The following TMEM45A variants were observed in gnomAD, a reference collection of about 807,000 sequenced individuals.
TMEM45A encodes transmembrane protein 45A.
A neutral mutation model predicts 32.0 loss-of-function variants in TMEM45A; 25 were observed. The ratio of observed to expected loss-of-function variants is 0.78; its 90% confidence interval spans 0.57 to 1.09. The LOEUF is 1.09. TMEM45A is among the 50% of genes least tolerant of loss of function. TMEM45A has a pLI of 0.00. For missense variants in TMEM45A, 302 were observed against 325.0 expected (o/e 0.93, Z 0.54); for synonymous variants, 122 against 114.8 (o/e 1.06, Z -0.40).
At chr3:100,530,709 A>G (rs1705629228) in intron 1 of TMEM45A, among the ~76,000 whole-genome samples, 1 of 152,210 alleles carries the variant, frequency 6.6e-6, no homozygotes, top group African/African-American at 2.4e-5. Flanking sequence ...ATTAGGACCC[A>G]TATGAAATTA....
At chr3:100,502,393 C>G (rs531675439) in intron 1 of TMEM45A, among the ~76,000 whole-genome samples, 3 of 152,008 alleles carry the variant, frequency 2.0e-5, no homozygotes, top group Non-Finnish European at 4.4e-5. Flanking sequence ...TAAAAGAAAC[C>G]AAAATTGAGA....
At chr3:100,544,706 T>C (rs1198958617) in intron 1 of TMEM45A, among the ~76,000 whole-genome samples, 2 of 152,216 alleles carry the variant, frequency 1.3e-5, no homozygotes, top group African/African-American at 4.8e-5. Context: ...TGTCCCTTTT[T>C]ATTGTGGAGA....
chr3:100,510,917 T>C (rs927746111), intron 1 of TMEM45A, among the ~76,000 whole-genome samples: 1 of 151,994 alleles, frequency 6.6e-6, no homozygotes, highest in African/African-American at 2.4e-5. Context: ...AAGGGAAGTT[T>C]AGAGAAAAAA....
chr3:100,571,178 C>T (rs1166217899), intron 5 of TMEM45A: 1 of 152,152 alleles, frequency 6.6e-6, no homozygotes, highest in Non-Finnish European at 1.5e-5. Context: ...CCATCTTCCA[C>T]AAATATTTTA....
chr3:100,561,560 C>A (rs1026241934), intron 4 of TMEM45A, among the ~76,000 whole-genome samples: 2 of 151,888 alleles, frequency 1.3e-5, no homozygotes, highest in African/African-American at 4.8e-5. Context: ...ACATCACAGT[C>A]AAAAATGCTT....
In TMEM45A at chr3:100,564,577, G is replaced by A. The variant is rs201013131; in HGVS notation, c.589-4245G>A. On this transcript the variant is annotated intron_variant, in intron 4 of 5. Transcript: ENST00000323523. ...CAGCTCACTGCCACCTCCACCTCCC[G>A]GGTTCAAGCGATTCTCCTGCCTCAG... 3.5e-4 allele frequency among the ~76,000 whole-genome samples: 53 copies of A among 151,608 alleles called. No homozygotes were observed. In the East Asian group the frequency reaches 9.5e-3, roughly 27 times the overall value.
Position 100,558,397 on chromosome 3 carries a change from C to T in TMEM45A, c.404-8C>T, listed in dbSNP as rs934354560. ...ACTGAAAAAGACAATCTGTTTTTTCCCCATCAGCCTTTATCTTCTACAACC... is the reference window on the plus strand; with the variant it reads ...ACTGAAAAAGACAATCTGTTTTTTCTCCATCAGCCTTTATCTTCTACAACC... On this transcript the variant is annotated splice_region_variant and splice_polypyrimidine_tract_variant and intron_variant, in intron 3 of 5. Transcript: ENST00000323523. The T allele has an allele frequency of 3.1e-6, 5 of 1,612,144 alleles. No homozygotes were observed. Among genetic ancestry groups the T allele is most frequent in the African/African-American group, 2.7e-5 (2 of 74,908 alleles).
chr3:100,570,294 T>C (rs1706532118), intron 5 of TMEM45A, among the ~76,000 whole-genome samples: 2 of 152,232 alleles, frequency 1.3e-5, no homozygotes, highest in African/African-American at 2.4e-5. Flanking sequence ...CACCCTTCTC[T>C]TTAGACATGG....
intron 4 of TMEM45A, among the ~76,000 whole-genome samples, chr3:100,562,181 C>A (rs918407967): frequency 2.0e-5 from 3 of 150,886 alleles, no homozygotes; most frequent in African/African-American, 7.4e-5. Flanking sequence ...GAATGGCATA[C>A]AAGTTACAGC....
At chr3:100,518,734 C>G (rs555369572) in intron 1 of TMEM45A, among the ~76,000 whole-genome samples, 1 of 152,034 alleles carries the variant, frequency 6.6e-6, no homozygotes, top group Non-Finnish European at 1.5e-5. Context: ...CTGGAGTGTT[C>G]GTCTATTCCC....
intron 1 of TMEM45A, among the ~76,000 whole-genome samples, chr3:100,516,366 G>A (rs755995888): frequency 3.9e-5 from 6 of 152,152 alleles, no homozygotes; most frequent in Non-Finnish European, 8.8e-5. Context: ...GTTTTGTGGT[G>A]GTAATGAGTA....
intron 1 of TMEM45A, among the ~76,000 whole-genome samples, chr3:100,516,994 GA>G (rs1404496820): frequency 6.6e-6 from 1 of 152,148 alleles, no homozygotes; most frequent in African/African-American, 2.4e-5. Flanking sequence ...ATTTTATGGA[GA>G]ACAGCATCTG....
At chr3:100,493,692 GTATACTCTA>G (rs1384558556) in intron 1 of TMEM45A, among the ~76,000 whole-genome samples, 1 of 151,896 alleles carries the variant, frequency 6.6e-6, no homozygotes, top group Non-Finnish European at 1.5e-5. Context: ...ATGCTATATA[GTATACTCTA>G]TATACGCTAT....
chr3:100,524,433 T>C (rs1439011963), intron 1 of TMEM45A, among the ~76,000 whole-genome samples: 2 of 152,206 alleles, frequency 1.3e-5, no homozygotes. Flanking sequence ...CTTTTTTCTC[T>C]TCCTCTTTTC....
intron 1 of TMEM45A, among the ~76,000 whole-genome samples, chr3:100,511,672 G>A (rs1352084367): frequency 6.7e-6 from 1 of 150,262 alleles, no homozygotes; most frequent in Non-Finnish European, 1.5e-5. Context: ...AAAAGACACA[G>A]ACTGGCAAAT....
chr3:100,523,477 G>T (rs924573573), intron 1 of TMEM45A, among the ~76,000 whole-genome samples: 15 of 152,218 alleles, frequency 9.9e-5, no homozygotes, highest in Non-Finnish European at 1.9e-4. Flanking sequence ...AGCTCACAGT[G>T]CAGTGAGGGA....
At chr3:100,523,002 C>G (rs548002347) in intron 1 of TMEM45A, among the ~76,000 whole-genome samples, 1 of 152,294 alleles carries the variant, frequency 6.6e-6, no homozygotes, top group South Asian at 2.1e-4. Flanking sequence ...CACTGCATGT[C>G]CCCTGTCCCC....
chr3:100,506,451 C>G (rs1264962052), intron 1 of TMEM45A, among the ~76,000 whole-genome samples: 2 of 152,190 alleles, frequency 1.3e-5, no homozygotes, highest in Non-Finnish European at 2.9e-5. Flanking sequence ...ACACCACTCT[C>G]CCTGACTGTC....
In TMEM45A at chr3:100,549,037, C is replaced by G. The variant is rs556217189; in HGVS notation, c.-3-6172C>G. 3.9e-5 allele frequency among the ~76,000 whole-genome samples: 6 copies of G among 152,244 alleles called. No homozygotes were observed. In the East Asian group the frequency reaches 1.2e-3, roughly 29 times the overall value. ...CCAAGGTGGGCGGATCACCTGAGGT[C>G]AGGAGTTCGAGACCAGCCTGGCCAA... On this transcript the variant is annotated intron_variant, in intron 1 of 5. Coordinates refer to ENST00000323523, the MANE Select transcript of TMEM45A (RefSeq NM_018004.3).
Sources: allele counts gnomAD v4.1 joint callset (sites outside exome capture counted in the v4.1 genomes callset), GRCh38; gene constraint gnomAD v4.1.1; transcripts MANE v1.5; gene names NCBI Gene and HGNC (gene_info 2026-07-23, HGNC 2026-07-21).